ASIC2: variants seen among roughly 807,000 people sequenced by gnomAD.
ASIC2 encodes the protein acid sensing ion channel subunit 2.
In ASIC2, 25 loss-of-function variants were observed where a neutral mutation model predicts 57.3. That is an observed-to-expected ratio of 0.44 (90% CI 0.32 to 0.61). ASIC2 has a LOEUF of 0.61. ASIC2 is among the 20% of genes least tolerant of loss of function. The probability of loss-of-function intolerance (pLI) is 0.06; values close to 1 mark genes in which losing one functional copy is unlikely to be tolerated. For missense variants in ASIC2, 641 were observed against 738.1 expected, an observed-to-expected ratio of 0.87 and a Z score of 1.52; for synonymous variants, 319 against 307.5, an observed-to-expected ratio of 1.04 and a Z score of -0.39.
At chr17:33,781,011 C>T (rs1409933016) in intron 1 of ASIC2, among the ~76,000 whole-genome samples, 1 of 152,054 alleles carries the variant, frequency 6.6e-6, no homozygotes, top group Non-Finnish European at 1.5e-5. Context: ...ATGTGAGGAT[C>T]GGGGGTAATG....
chr17:33,532,191 C>T (rs944677891), intron 1 of ASIC2, among the ~76,000 whole-genome samples: 6 of 152,234 alleles, frequency 3.9e-5, no homozygotes, highest in East Asian at 1.9e-4. Context: ...CCTCGGCAAG[C>T]GCCTGATGCC....
At chr17:33,719,089 C>T (rs1259552430) in intron 1 of ASIC2, among the ~76,000 whole-genome samples, 1 of 152,136 alleles carries the variant, frequency 6.6e-6, no homozygotes, top group Non-Finnish European at 1.5e-5. Context: ...CCAATGGGAA[C>T]CTGCTACACA....
intron 1 of ASIC2, among the ~76,000 whole-genome samples, chr17:33,382,698 G>T (rs954712031): frequency 6.6e-6 from 1 of 152,188 alleles, no homozygotes; most frequent in Non-Finnish European, 1.5e-5. Context: ...GGATCAGAGA[G>T]GCTAAGGAGC....
chr17:33,789,187 T>A (rs1230284734), intron 1 of ASIC2, among the ~76,000 whole-genome samples: 2 of 152,158 alleles, frequency 1.3e-5, no homozygotes, highest in African/African-American at 4.8e-5. Flanking sequence ...GTACAGCCTG[T>A]GGAATGGTGA....
intron 1 of ASIC2, among the ~76,000 whole-genome samples, chr17:33,180,797 C>T (rs962744623): frequency 3.3e-5 from 5 of 152,106 alleles, no homozygotes; most frequent in African/African-American, 4.8e-5. Flanking sequence ...CCCCCATATC[C>T]GGAGCCTGTG....
Position 33,733,774 on chromosome 17 carries a change from C to A in ASIC2, c.555+422204G>T, listed in dbSNP as rs1018854942. ...CTTCTGTGGACCATCACAGTAGTTA[C>A]CCTCGCTCCCGTTCAGATAGTTGTC... On this transcript the variant is annotated intron_variant, in intron 1 of 9. Transcript: ENST00000359872. 3.9e-5 allele frequency among the ~76,000 whole-genome samples: 6 copies of A among 152,292 alleles called. No individual in the cohort carries two copies. In the East Asian group the frequency reaches 1.2e-3, roughly 29 times the overall value.
At chr17:33,130,233 C>T (rs1382422245) in intron 1 of ASIC2, among the ~76,000 whole-genome samples, 1 of 152,016 alleles carries the variant, frequency 6.6e-6, no homozygotes, top group Non-Finnish European at 1.5e-5. Context: ...ATTTTTGCAA[C>T]AACAAAAAAG....
At chr17:33,672,602 C>T (rs1049811188) in intron 1 of ASIC2, among the ~76,000 whole-genome samples, 1 of 152,034 alleles carries the variant, frequency 6.6e-6, no homozygotes, top group African/African-American at 2.4e-5. Context: ...TGGACTTGGC[C>T]CTAATATTTT....
At chr17:33,305,348 G>A (rs1247325703) in intron 1 of ASIC2, among the ~76,000 whole-genome samples, 1 of 152,178 alleles carries the variant, frequency 6.6e-6, no homozygotes, top group African/African-American at 2.4e-5. Flanking sequence ...AAGCATGAGT[G>A]AGCCCTTGTA....
chr17:33,059,847 C>T (rs2092013329), intron 3 of ASIC2, among the ~76,000 whole-genome samples: 2 of 152,186 alleles, frequency 1.3e-5, no homozygotes, highest in South Asian at 4.1e-4. Context: ...TTAATGATCA[C>T]CATTCTAACT....
At chr17:33,884,730 C>T (rs531232525) in intron 1 of ASIC2, among the ~76,000 whole-genome samples, 2 of 152,054 alleles carry the variant, frequency 1.3e-5, no homozygotes, top group Admixed American at 6.6e-5. Context: ...CCCCACACCC[C>T]CTAAGCTAGA....
intron 1 of ASIC2, among the ~76,000 whole-genome samples, chr17:33,804,943 G>A (rs1184040103): frequency 6.6e-6 from 1 of 151,286 alleles, no homozygotes; most frequent in Non-Finnish European, 1.5e-5. Flanking sequence ...TCTGTATCCT[G>A]GGATCCAACT....
intron 1 of ASIC2, among the ~76,000 whole-genome samples, chr17:33,799,411 CTTTCTTTCTTTCTTTCTTCTTTCTTTCT>C (rs1567718969): frequency 1.1e-3 from 68 of 61,230 alleles, no homozygotes; most frequent in Non-Finnish European, 1.6e-3. Flanking sequence ...TCTTTTCTTT[CTTTCTTTCTTTCTTTCTTCTTTCTTTCT>C]TTCTTTCTTT....
chr17:33,871,991 C>T (rs1459360438), intron 1 of ASIC2, among the ~76,000 whole-genome samples: 1 of 152,050 alleles, frequency 6.6e-6, no homozygotes, highest in Non-Finnish European at 1.5e-5. Flanking sequence ...CCATGCTGTT[C>T]TTGAGATCCC....
intron 1 of ASIC2, among the ~76,000 whole-genome samples, chr17:33,396,347 G>A (rs1431167501): frequency 6.6e-6 from 1 of 152,112 alleles, no homozygotes; most frequent in Admixed American, 6.5e-5. Context: ...ATAGAGACAA[G>A]GATCAAAATA....
chr17:34,038,938 C>T, intron 1 of ASIC2: 1 of 1,612,846 alleles, frequency 6.2e-7, no homozygotes, highest in Non-Finnish European at 8.5e-7. Context: ...AACCATCTGT[C>T]CACTGCTCAG....
At chr17:33,075,020 TG>T (rs1291620390) in intron 3 of ASIC2, among the ~76,000 whole-genome samples, 1 of 152,164 alleles carries the variant, frequency 6.6e-6, no homozygotes, top group Non-Finnish European at 1.5e-5. Context: ...TCCACTGCCA[TG>T]TCCCCTCTGA....
chr17:33,777,133 C>T (rs574823680), intron 1 of ASIC2, among the ~76,000 whole-genome samples: 17 of 152,368 alleles, frequency 1.1e-4, no homozygotes, highest in African/African-American at 4.1e-4. Context: ...GCCCGCTGAT[C>T]CCCTTAGGGT....
chr17:33,112,141 C>A, intron 1 of ASIC2, 74 bp from the exon 2 acceptor site: 1 of 1,479,622 alleles, frequency 6.8e-7, no homozygotes. Flanking sequence ...TTGGCGAGAC[C>A]CCAGAAATCT....
Sources: gnomAD v4.1 joint callset for allele counts (sites outside exome capture counted in the v4.1 genomes callset) on GRCh38, gnomAD v4.1.1 for gene constraint, MANE v1.5 for transcripts, NCBI Gene and HGNC (gene_info 2026-07-23, HGNC 2026-07-21) for gene names.